The following FUT9 variants were observed in gnomAD, a reference collection of about 807,000 sequenced individuals.
FUT9 encodes 4-galactosyl-N-acetylglucosaminide 3-alpha-L-fucosyltransferase 9.
FUT9 carries 15 observed loss-of-function variants against 29.7 expected under a neutral mutation model. That is an observed-to-expected ratio of 0.51 (90% CI 0.34 to 0.78). The LOEUF is 0.78. Ranked by LOEUF, FUT9 falls within the 30% of genes least tolerant of loss-of-function variation. The pLI is 0.01. For synonymous variants in FUT9, 169 were observed against 153.7 expected (o/e 1.10, Z -0.74); for missense variants, 319 against 425.4 (o/e 0.75, Z 2.20).
At position 96,204,838 on chromosome 6, in the gene FUT9, A is replaced by G. The variant is rs962046016; in HGVS notation, c.*603A>G. ...GCAGAACTGTTCTATTCGGGAAGCT[A>G]TTAGACTTCTCATTTATTTTCATTA... On this transcript the variant is annotated 3_prime_UTR_variant, in exon 3 of 3. Coordinates refer to ENST00000302103, the MANE Select transcript of FUT9 (RefSeq NM_006581.4). 3 of 166,226 alleles carry G rather than the reference A, an allele frequency of 1.8e-5. No homozygotes were observed. Among genetic ancestry groups the G allele is most frequent in the African/African-American group, 7.2e-5 (3 of 41,452 alleles). 10.3% of individuals were successfully genotyped at this position (166,226 alleles called of 1,614,324 possible).
At chr6:96,026,175 T>C (rs61491938) in intron 1 of FUT9, among the ~76,000 whole-genome samples, 1 of 151,650 alleles carries the variant, frequency 6.6e-6, no homozygotes, top group African/African-American at 2.4e-5. Flanking sequence ...GAAAGACCCA[T>C]GGAAAATTGT....
chr6:96,195,240 C>T (rs1250288369), intron 2 of FUT9, among the ~76,000 whole-genome samples: 5 of 152,026 alleles, frequency 3.3e-5, no homozygotes, highest in Admixed American at 6.6e-5. Context: ...AAAGACAAAC[C>T]CACTGCAGAA....
intron 2 of FUT9, among the ~76,000 whole-genome samples, chr6:96,173,492 T>A (rs1200918775): frequency 6.6e-6 from 1 of 152,166 alleles, no homozygotes; most frequent in Admixed American, 6.6e-5. Flanking sequence ...CATCGTCATA[T>A]GACCTTGCCT....
At chr6:96,057,056 T>C (rs1440417293) in intron 1 of FUT9, among the ~76,000 whole-genome samples, 1 of 152,234 alleles carries the variant, frequency 6.6e-6, no homozygotes, top group Non-Finnish European at 1.5e-5. Context: ...AAAAGTGTTC[T>C]GGCAAAGCAA....
chr6:96,022,033 T>C (rs751281927), intron 1 of FUT9, among the ~76,000 whole-genome samples: 2 of 152,046 alleles, frequency 1.3e-5, no homozygotes, highest in Non-Finnish European at 2.9e-5. Context: ...TTTACAACTT[T>C]ATGTTTTCAT....
intron 1 of FUT9, among the ~76,000 whole-genome samples, chr6:96,048,145 G>A (rs1251804038): frequency 6.6e-6 from 1 of 152,128 alleles, no homozygotes; most frequent in African/African-American, 2.4e-5. Flanking sequence ...AGCAAGTAAA[G>A]GGTCTCTATT....
At chr6:96,061,812 C>A (rs1057453780) in intron 1 of FUT9, among the ~76,000 whole-genome samples, 5 of 152,182 alleles carry the variant, frequency 3.3e-5, no homozygotes, top group African/African-American at 1.2e-4. Flanking sequence ...CATCAGCAAA[C>A]TCAGAAAGCT....
intron 1 of FUT9, among the ~76,000 whole-genome samples, chr6:96,095,374 T>A (rs745663924): frequency 1.3e-5 from 2 of 152,254 alleles, no homozygotes; most frequent in Non-Finnish European, 2.9e-5. Context: ...ATGATTACAT[T>A]GCCTGATTGA....
At chr6:96,080,048 CA>C (rs1771209649) in intron 1 of FUT9, among the ~76,000 whole-genome samples, 1 of 151,802 alleles carries the variant, frequency 6.6e-6, no homozygotes, top group Non-Finnish European at 1.5e-5. Context: ...CATTAAATAT[CA>C]AAAGAAATAC....
At chr6:96,064,092 A>G (rs1770921483) in intron 1 of FUT9, among the ~76,000 whole-genome samples, 1 of 152,160 alleles carries the variant, frequency 6.6e-6, no homozygotes. Flanking sequence ...GAAATCCAGA[A>G]CTACTCACAT....
intron 1 of FUT9, among the ~76,000 whole-genome samples, chr6:96,109,877 G>A (rs557101852): frequency 3.9e-5 from 6 of 152,106 alleles, no homozygotes; most frequent in African/African-American, 1.2e-4. Context: ...GCTGCTGCCT[G>A]GCTGTCTTAC....
At chr6:96,149,574 A>G (rs1315196323) in intron 2 of FUT9, among the ~76,000 whole-genome samples, 1 of 152,130 alleles carries the variant, frequency 6.6e-6, no homozygotes, top group Non-Finnish European at 1.5e-5. Context: ...ATCAAACAAA[A>G]CTCAATTATT....
intron 2 of FUT9, among the ~76,000 whole-genome samples, chr6:96,194,649 C>G (rs1231445411): frequency 6.6e-6 from 1 of 151,566 alleles, no homozygotes; most frequent in East Asian, 1.9e-4. Flanking sequence ...AAGACATTCT[C>G]ATTTATAAAG....
rs565749779 is a variant in FUT9, at chr6:96,209,104, T to C, written c.*4869T>C. The C allele has an allele frequency of 2.4e-5, 4 of 166,974 alleles. No individual in the cohort carries two copies. In the South Asian group the frequency reaches 8.3e-4, roughly 35 times the overall value. The allele number at this position is 166,974 out of a possible 1,614,324, so 10.3% of individuals were successfully genotyped here. On this transcript the variant is annotated 3_prime_UTR_variant, in exon 3 of 3. Transcript: ENST00000302103. ...TGTGAGTGCTACCCTAGGTTATTAGTTCAACAAACTAATTTTGAGAGAGCC... is the reference window on the plus strand; with the variant it reads ...TGTGAGTGCTACCCTAGGTTATTAGCTCAACAAACTAATTTTGAGAGAGCC...
At position 96,209,534 on chromosome 6, in the gene FUT9, T is replaced by G. The variant is rs1773895675; in HGVS notation, c.*5299T>G. The G allele has an allele frequency of 6.0e-6, 1 of 166,850 alleles. No homozygotes were observed. The highest frequency in any genetic ancestry group is 6.6e-5 in the Admixed American group (1 of 15,234). The allele number at this position is 166,850 out of a possible 1,614,324, so 10.3% of individuals were successfully genotyped here. A position where few individuals can be genotyped will look rare whatever the true frequency, so the allele number is the denominator to read the frequency against. On this transcript the variant is annotated 3_prime_UTR_variant, in exon 3 of 3. Transcript: ENST00000302103. ...GAGTTTTCTGTACTATTCAAACTCT[T>G]ATTACAAAAATCTAAAGATATTTAT...
chr6:96,189,043 T>A (rs529182266), intron 2 of FUT9, among the ~76,000 whole-genome samples: 2 of 152,242 alleles, frequency 1.3e-5, no homozygotes, highest in South Asian at 4.1e-4. Context: ...AAATGACACG[T>A]GGTACTATAA....
At chr6:96,090,605 C>T (rs1232957691) in intron 1 of FUT9, among the ~76,000 whole-genome samples, 2 of 151,584 alleles carry the variant, frequency 1.3e-5, no homozygotes, top group African/African-American at 4.8e-5. Context: ...ATACACATCT[C>T]TGGTAAGATT....
chr6:96,024,563 T>A (rs1770130479), intron 1 of FUT9, among the ~76,000 whole-genome samples: 1 of 151,720 alleles, frequency 6.6e-6, no homozygotes, highest in Non-Finnish European at 1.5e-5. Context: ...TTGCTGTTTT[T>A]CTAGGGTATG....
At chr6:96,146,428 C>T (rs536955543) in intron 2 of FUT9, among the ~76,000 whole-genome samples, 55 of 152,132 alleles carry the variant, frequency 3.6e-4, no homozygotes, top group African/African-American at 1.3e-3. Context: ...CTAATTTAAA[C>T]ATAAAAATAA....
Sources: gnomAD v4.1 joint callset for allele counts (sites outside exome capture counted in the v4.1 genomes callset) on GRCh38, gnomAD v4.1.1 for gene constraint, MANE v1.5 for transcripts, NCBI Gene and HGNC (gene_info 2026-07-23, HGNC 2026-07-21) for gene names.